SLC35F1: variants seen among roughly 807,000 people sequenced by gnomAD.
The protein encoded by SLC35F1 is chromosome 6 open reading frame 169.
SLC35F1 carries 14 observed loss-of-function variants against 48.7 expected under a neutral mutation model. The observed-to-expected ratio is 0.29, with a 90% CI of 0.19 to 0.45. SLC35F1 has a LOEUF of 0.45. Among genes scored for constraint, SLC35F1 ranks in the 20% least tolerant of loss-of-function variants. The pLI is 1.00. For synonymous variants in SLC35F1, 190 were observed against 202.2 expected (o/e 0.94, Z 0.51); for missense variants, 404 against 500.0 (o/e 0.81, Z 1.83).
chr6:118,091,626 A>C (rs890935944), intron 1 of SLC35F1, among the ~76,000 whole-genome samples: 2 of 152,184 alleles, frequency 1.3e-5, no homozygotes, highest in African/African-American at 4.8e-5. Context: ...GAGCTATTAC[A>C]GTAAGTTGGT....
chr6:118,157,317 A>G (rs1211746201), intron 2 of SLC35F1, among the ~76,000 whole-genome samples: 1 of 152,152 alleles, frequency 6.6e-6, no homozygotes. Context: ...TTTGAATTTC[A>G]AAACCCTGAA....
intron 2 of SLC35F1, among the ~76,000 whole-genome samples, chr6:118,185,567 T>G (rs2114516119): frequency 6.6e-6 from 1 of 152,266 alleles, no homozygotes; most frequent in South Asian, 2.1e-4. Flanking sequence ...AAAATGTGTT[T>G]TCTTCAGGGA....
chr6:118,162,676 AT>A (rs1774254654), intron 2 of SLC35F1, among the ~76,000 whole-genome samples: 1 of 152,234 alleles, frequency 6.6e-6, no homozygotes, highest in Non-Finnish European at 1.5e-5. Flanking sequence ...ATATTAGGAC[AT>A]GCTGGTAAAA....
chr6:118,062,995 C>A (rs1772562970), intron 1 of SLC35F1, among the ~76,000 whole-genome samples: 1 of 151,990 alleles, frequency 6.6e-6, no homozygotes, highest in Non-Finnish European at 1.5e-5. Context: ...TATGTTATAT[C>A]AGATAATTTT....
intron 2 of SLC35F1, among the ~76,000 whole-genome samples, chr6:118,228,441 A>G (rs192970671): frequency 2.2e-4 from 34 of 152,244 alleles, no homozygotes; most frequent in Middle Eastern, 3.4e-3. Flanking sequence ...GGTGGCTCAC[A>G]TCTGTAATCC....
chr6:118,163,424 T>TCA (rs67416879), intron 2 of SLC35F1, among the ~76,000 whole-genome samples: 500 of 150,198 alleles, frequency 3.3e-3, no homozygotes, highest in East Asian at 9.2e-3. Flanking sequence ...ACACTCACAC[T>TCA]CACACACACA....
rs189090292 is a variant in SLC35F1 at position 118,235,929 on chromosome 6, T to C, written c.477+293T>C. ...GTTTTGAATATATTGCAATTACTAT[T>C]GACAATGTAAAAAAAATTTGTGGCT... On this transcript the variant is annotated intron_variant, in intron 3 of 7. Coordinates refer to ENST00000360388, the MANE Select transcript of SLC35F1 (RefSeq NM_001029858.4). 5.9e-5 allele frequency among the ~76,000 whole-genome samples: 9 copies of C among 152,284 alleles called. No individual in the cohort carries two copies. The East Asian group carries it at 1.7e-3, about 29-fold the overall frequency.
intron 7 of SLC35F1, among the ~76,000 whole-genome samples, chr6:118,313,324 C>T (rs1776392655): frequency 6.6e-6 from 1 of 152,170 alleles, no homozygotes; most frequent in South Asian, 2.1e-4. Context: ...ATTCTTGCGA[C>T]TTGTGTAAAC....
At chr6:117,942,212 T>G (rs1029159013) in intron 1 of SLC35F1, among the ~76,000 whole-genome samples, 7 of 152,324 alleles carry the variant, frequency 4.6e-5, no homozygotes, top group Non-Finnish European at 1.0e-4. Flanking sequence ...CGAGTCTCAC[T>G]GACACCAAGG....
intron 2 of SLC35F1, among the ~76,000 whole-genome samples, chr6:118,188,010 C>T (rs1774682608): frequency 6.6e-6 from 1 of 152,322 alleles, no homozygotes; most frequent in South Asian, 2.1e-4. Context: ...AATGTGATTG[C>T]TTCATTATGT....
chr6:118,061,810 GA>G (rs1772544162), intron 1 of SLC35F1, among the ~76,000 whole-genome samples: 1 of 151,986 alleles, frequency 6.6e-6, no homozygotes, highest in Non-Finnish European at 1.5e-5. Flanking sequence ...GTCTCATAAG[GA>G]GCATGCAACC....
chr6:117,975,195 T>C (rs1052724634), intron 1 of SLC35F1, among the ~76,000 whole-genome samples: 6 of 152,208 alleles, frequency 3.9e-5, no homozygotes, highest in African/African-American at 1.4e-4. Flanking sequence ...TAAAATGATT[T>C]TCCAATGTCA....
intron 1 of SLC35F1, among the ~76,000 whole-genome samples, chr6:117,967,843 A>G (rs1343290973): frequency 6.6e-6 from 1 of 152,210 alleles, no homozygotes; most frequent in Non-Finnish European, 1.5e-5. Context: ...TATGAGCATA[A>G]TACAGGAACA....
chr6:118,310,452 C>A (rs978873523), intron 7 of SLC35F1, among the ~76,000 whole-genome samples: 1 of 151,928 alleles, frequency 6.6e-6, no homozygotes, highest in Non-Finnish European at 1.5e-5. Context: ...ATTCTATTAG[C>A]CCTGATTCAA....
At chr6:118,050,283 T>C (rs1305894441) in intron 1 of SLC35F1, among the ~76,000 whole-genome samples, 1 of 150,918 alleles carries the variant, frequency 6.6e-6, no homozygotes, top group Non-Finnish European at 1.5e-5. Context: ...AGTTAGTGGG[T>C]GCAGCACACC....
chr6:118,080,042 C>T lies in SLC35F1; in HGVS notation c.174-74403C>T, dbSNP rs114813432. ...GCCTCTTATTTTCAACAAAGTCAGGCTTTCAAAACTGTTACCTCACTGAAC... is the reference window on the plus strand; with the variant it reads ...GCCTCTTATTTTCAACAAAGTCAGGTTTTCAAAACTGTTACCTCACTGAAC... On this transcript the variant is annotated intron_variant, in intron 1 of 7. Transcript: ENST00000360388. 5.0e-3 allele frequency among the ~76,000 whole-genome samples: 757 copies of T among 152,282 alleles called. 6 individuals are homozygous for T. The highest frequency in any genetic ancestry group is 0.018 in the African/African-American group (736 of 41,552).
intron 1 of SLC35F1, among the ~76,000 whole-genome samples, chr6:118,143,820 A>G (rs902690209): frequency 1.3e-5 from 2 of 152,138 alleles, no homozygotes; most frequent in African/African-American, 2.4e-5. Flanking sequence ...AGCCTGTGGG[A>G]TATGTATTAT....
chr6:118,117,304 G>C lies in SLC35F1; in HGVS notation c.174-37141G>C, dbSNP rs79677950. 1.7e-4 allele frequency among the ~76,000 whole-genome samples: 26 copies of C among 152,270 alleles called. No individual in the cohort carries two copies. The South Asian group carries it at 4.8e-3, about 28-fold the overall frequency. On this transcript the variant is annotated intron_variant, in intron 1 of 7. Transcript: ENST00000360388. ...TCCTACTACATTTTCCTAAGTGAAG[G>C]AATACTCAATTTTGCAGAGCAGCTT...
chr6:118,170,998 A>C (rs1293253694), intron 2 of SLC35F1, among the ~76,000 whole-genome samples: 4 of 152,122 alleles, frequency 2.6e-5, no homozygotes, highest in Non-Finnish European at 5.9e-5. Context: ...TAAATGCTAG[A>C]AACTAAACAA....
Sources: gnomAD v4.1 joint callset for allele counts (sites outside exome capture counted in the v4.1 genomes callset) on GRCh38, gnomAD v4.1.1 for gene constraint, MANE v1.5 for transcripts, NCBI Gene and HGNC (gene_info 2026-07-23, HGNC 2026-07-21) for gene names.